Variants in CADM1 observed in about 807,000 individuals in gnomAD.
CADM1 encodes the protein TSLC-1.
A neutral mutation model predicts 53.1 loss-of-function variants in CADM1; 15 were observed. That is an observed-to-expected ratio of 0.28 (90% CI 0.19 to 0.44). The LOEUF (loss-of-function observed/expected upper bound fraction) is 0.44, where lower values mean the gene tolerates loss of function less well. Ranked by LOEUF, CADM1 falls within the 20% of genes least tolerant of loss-of-function variation. CADM1 has a pLI of 1.00. For synonymous variants in CADM1, 281 were observed against 243.0 expected (o/e 1.16, Z -1.45); for missense variants, 434 against 611.3 (o/e 0.71, Z 3.06).
chr11:115,187,428 GTTATT>G (rs1425069062), intron 10 of CADM1, among the ~76,000 whole-genome samples: 6 of 152,090 alleles, frequency 3.9e-5, no homozygotes, highest in African/African-American at 9.7e-5. Flanking sequence ...ATGTAGGTTT[GTTATT>G]TTATTTATTT....
intron 1 of CADM1, among the ~76,000 whole-genome samples, chr11:115,498,852 T>C (rs1443795877): frequency 6.6e-6 from 1 of 152,002 alleles, no homozygotes; most frequent in Non-Finnish European, 1.5e-5. Flanking sequence ...CTAAAAGTAA[T>C]TATGGAAGAA....
chr11:115,245,047 T>C lies in CADM1; in HGVS notation c.125-4627A>G, dbSNP rs186299921. 8.5e-5 allele frequency among the ~76,000 whole-genome samples: 13 copies of C among 152,330 alleles called. No individual in the cohort carries two copies. The East Asian group carries it at 2.5e-3, about 29-fold the overall frequency. Reference sequence around the variant, plus strand: ...GTCAAGACTATAATAAAAGGGCAAGTCATAGTTAAAACAGAATTGAGTTTA... The same window carrying C: ...GTCAAGACTATAATAAAAGGGCAAGCCATAGTTAAAACAGAATTGAGTTTA... On this transcript the variant is annotated intron_variant, in intron 1 of 11. Coordinates refer to ENST00000331581, the MANE Select transcript of CADM1 (RefSeq NM_001301043.2).
At chr11:115,375,282 A>C (rs1946410236) in intron 1 of CADM1, among the ~76,000 whole-genome samples, 1 of 152,172 alleles carries the variant, frequency 6.6e-6, no homozygotes, top group Admixed American at 6.5e-5. Context: ...GTCAAAAGCA[A>C]AAGCAAACAA....
Position 115,231,986 on chromosome 11 carries a change from C to CAATAATAAT in CADM1, c.425-505_425-497dup, listed in dbSNP as rs34209440. 4.9e-3 allele frequency among the ~76,000 whole-genome samples: 731 copies of CAATAATAAT among 148,434 alleles called. 4 individuals carry two copies. The highest frequency in any genetic ancestry group is 0.017 in the African/African-American group (692 of 39,746). On this transcript the variant is annotated intron_variant, in intron 3 of 11. Transcript: ENST00000331581. ...GGGCAACAAGAGCGAAACTCCGTCTCAATAATAATAATAATAATAATAATA... is the reference window on the plus strand; with the variant it reads ...GGGCAACAAGAGCGAAACTCCGTCTCAATAATAATAATAATAATAATAATAATAATAATA...
chr11:115,354,910 T>C (rs1945825774), intron 1 of CADM1, among the ~76,000 whole-genome samples: 1 of 152,184 alleles, frequency 6.6e-6, no homozygotes, highest in African/African-American at 2.4e-5. Flanking sequence ...CCCAATACAT[T>C]ATAGAAAGAA....
At chr11:115,319,487 AC>A (rs929420180) in intron 1 of CADM1, among the ~76,000 whole-genome samples, 21 of 152,198 alleles carry the variant, frequency 1.4e-4, no homozygotes, top group Non-Finnish European at 4.4e-5. Flanking sequence ...GTTTTAAAAA[AC>A]ATTATTTAAA....
chr11:115,460,053 C>T (rs185301176), intron 1 of CADM1, among the ~76,000 whole-genome samples: 224 of 152,292 alleles, frequency 1.5e-3, no homozygotes, highest in African/African-American at 5.0e-3. Context: ...ACACCTAGCA[C>T]CCTTTTTTTC....
intron 1 of CADM1, among the ~76,000 whole-genome samples, chr11:115,368,206 G>A (rs4451767): frequency 1 from 147,621 of 147,624 alleles, 73,809 homozygotes; most frequent in Middle Eastern, 1. Context: ...AAATTCAGGT[G>A]TGGCACGGTT....
chr11:115,448,296 GTTA>G (rs1948497620), intron 1 of CADM1, among the ~76,000 whole-genome samples: 1 of 152,126 alleles, frequency 6.6e-6, no homozygotes, highest in South Asian at 2.1e-4. Flanking sequence ...ATATGAATAA[GTTA>G]GGGAAAAGTG....
At chr11:115,216,435 G>C (rs1314132962) in intron 6 of CADM1, among the ~76,000 whole-genome samples, 1 of 152,204 alleles carries the variant, frequency 6.6e-6, no homozygotes, top group Non-Finnish European at 1.5e-5. Context: ...TAATGTGGCC[G>C]AGCACGGGTA....
At position 115,209,650 on chromosome 11, in the gene CADM1, G is replaced by T; in HGVS notation, c.1002C>A (p.Pro334=). ...SDYMLYVYDP[P]TTIPPPTTTT... ...TTGTTGTGGGAGGAGGGATAGTTGT[G>T]GGGGGATCTGGATAGAAAAAAAAAG... Residue 334 remains proline, a synonymous_variant, in exon 8 of 12, where the codon CCC becomes CCA. Transcript: ENST00000331581. 10 of 1,612,902 alleles carry T rather than the reference G, an allele frequency of 6.2e-6. No homozygotes were observed. The highest frequency in any genetic ancestry group is 8.5e-6 in the Non-Finnish European group (10 of 1,179,756).
At chr11:115,236,489 A>T (rs1942015409) in intron 3 of CADM1, among the ~76,000 whole-genome samples, 3 of 152,218 alleles carry the variant, frequency 2.0e-5, no homozygotes, top group South Asian at 4.1e-4. Flanking sequence ...TTAAGTTAAT[A>T]CTTCTATAAA....
At chr11:115,361,681 G>A (rs563704153) in intron 1 of CADM1, among the ~76,000 whole-genome samples, 20 of 151,608 alleles carry the variant, frequency 1.3e-4, no homozygotes, top group Admixed American at 8.5e-4. Flanking sequence ...CAATACACCC[G>A]TGCATGCCAA....
chr11:115,239,155 T>C lies in CADM1; in HGVS notation c.272-503A>G, dbSNP rs1043765679. ...AAGTAAGGCCTTCAAAAAACAAGGG[T>C]TTCAAATTATGAAACAGAACTAAAA... is the stretch of plus-strand genomic sequence containing the variant. On this transcript the variant is annotated intron_variant, in intron 2 of 11. Coordinates refer to ENST00000331581, the MANE Select transcript of CADM1 (RefSeq NM_001301043.2). Among the ~76,000 whole-genome samples, 32 of 151,594 alleles carry C rather than the reference T, an allele frequency of 2.1e-4. 1 individual carries two copies. Among genetic ancestry groups the C allele is most frequent in the Admixed American group, 6.6e-5 (1 of 15,210 alleles).
chr11:115,208,583 T>C (rs1461566756), intron 8 of CADM1, among the ~76,000 whole-genome samples: 1 of 152,214 alleles, frequency 6.6e-6, no homozygotes, highest in African/African-American at 2.4e-5. Context: ...TCAGATACCT[T>C]GCAGTCTCAC....
intron 1 of CADM1, among the ~76,000 whole-genome samples, chr11:115,461,506 G>A (rs1591268577): frequency 6.6e-6 from 1 of 152,146 alleles, no homozygotes; most frequent in Non-Finnish European, 1.5e-5. Flanking sequence ...AAGGAAGTCC[G>A]GATGTAGGCA....
chr11:115,236,286 T>G lies in CADM1; in HGVS notation c.424+2214A>C, dbSNP rs12286936. 6.6e-3 allele frequency among the ~76,000 whole-genome samples: 1,010 copies of G among 152,190 alleles called. 13 individuals are homozygous for G. The highest frequency in any genetic ancestry group is 0.023 in the African/African-American group (937 of 41,530). On this transcript the variant is annotated intron_variant, in intron 3 of 11. Transcript: ENST00000331581. ...AAAACTCTAAACCTTACGAGAAACGTTGGAATATACGAGTATCAGTGGAAA... is the reference window on the plus strand; with the variant it reads ...AAAACTCTAAACCTTACGAGAAACGGTGGAATATACGAGTATCAGTGGAAA...
chr11:115,231,488 G>C lies in CADM1; in HGVS notation c.427C>G (p.Pro143Ala). The stretch of plus-strand genomic sequence containing the variant: ...ATATCGATCATCAGATTACGTGGTG[G>C]GACTACAAATTAAACATATGTGCTT... ...ESYTTITVLV[P>A]PRNLMIDIQK... is the part of the protein sequence containing the mutation. The change falls in exon 4 of 12, where the codon CCA becomes GCA. Residue 143 changes from proline to alanine, a missense_variant and splice_region_variant. By Grantham distance (27) the Pro-to-Ala change is conservative (BLOSUM62 -1). Transcript: ENST00000331581. 6.2e-6 allele frequency: 10 copies of C among 1,613,766 alleles called. No individual in the cohort carries two copies. The highest frequency in any genetic ancestry group is 7.6e-6 in the Non-Finnish European group (9 of 1,179,748).
chr11:115,228,270 C>T (rs1941687948), intron 5 of CADM1, among the ~76,000 whole-genome samples: 1 of 152,196 alleles, frequency 6.6e-6, no homozygotes, highest in Non-Finnish European at 1.5e-5. Flanking sequence ...GAAGTTTCTG[C>T]TATTTTAAGC....
Sources: allele counts gnomAD v4.1 joint callset (sites outside exome capture counted in the v4.1 genomes callset), GRCh38; gene constraint gnomAD v4.1.1; transcripts MANE v1.5; gene names NCBI Gene and HGNC (gene_info 2026-07-23, HGNC 2026-07-21).